The following CDYL2 variants were observed in gnomAD, a reference collection of about 807,000 sequenced individuals.
The protein encoded by CDYL2 is chromodomain Y-like protein 2.
A neutral mutation model predicts 49.4 loss-of-function variants in CDYL2; 23 were observed. The observed-to-expected ratio is 0.47, with a 90% CI of 0.34 to 0.66. The LOEUF (loss-of-function observed/expected upper bound fraction) is 0.66. Ranked by LOEUF, CDYL2 falls within the 30% of genes least tolerant of loss-of-function variation. CDYL2 has a pLI of 0.01. For synonymous variants in CDYL2, 360 were observed against 268.8 expected, an observed-to-expected ratio of 1.34 and a Z score of -3.32; for missense variants, 678 against 656.4, an observed-to-expected ratio of 1.03 and a Z score of -0.36.
intron 1 of CDYL2, among the ~76,000 whole-genome samples, chr16:80,700,176 G>C (rs920984675): frequency 2.0e-5 from 3 of 152,150 alleles, no homozygotes; most frequent in Admixed American, 2.0e-4. Context: ...TTTTTAAAAA[G>C]AGCAAAGTTG....
chr16:80,712,191 G>GTGTGTATATATATATATATATATATA (rs1555532109), intron 1 of CDYL2, among the ~76,000 whole-genome samples: 1 of 107,934 alleles, frequency 9.3e-6, no homozygotes. Context: ...GTCTGTGTGT[G>GTGTGTATATATATATATATATATATA]TATATATATA....
chr16:80,731,388 A>T (rs1905321216), intron 1 of CDYL2, among the ~76,000 whole-genome samples: 1 of 152,136 alleles, frequency 6.6e-6, no homozygotes, highest in Non-Finnish European at 1.5e-5. Context: ...CTGAATAACA[A>T]AAGTTCAAAA....
In CDYL2 at chr16:80,700,151, G is replaced by A. The variant is rs185921815; in HGVS notation, c.25-15022C>T. On this transcript the variant is annotated intron_variant, in intron 1 of 6. Coordinates refer to ENST00000570137, the MANE Select transcript of CDYL2 (RefSeq NM_152342.4). The stretch of plus-strand genomic sequence containing the variant: ...TGGGATTACAGGCGTGAGCCACTGC[G>A]GCCAGCCAAAACAATTTTTAAAAAG... Among the ~76,000 whole-genome samples the A allele has an allele frequency of 5.4e-3, 819 of 152,282 alleles. 10 individuals carry two copies. Among genetic ancestry groups the A allele is most frequent in the South Asian group, 0.025 (122 of 4,830 alleles).
chr16:80,661,006 C>T (rs572378325), intron 2 of CDYL2, among the ~76,000 whole-genome samples: 82 of 152,212 alleles, frequency 5.4e-4, no homozygotes, highest in African/African-American at 2.0e-3. Flanking sequence ...TGGGGTGAGG[C>T]CACAGAGCCT....
chr16:80,682,248 G>A (rs1161989294), intron 2 of CDYL2, among the ~76,000 whole-genome samples: 1 of 152,176 alleles, frequency 6.6e-6, no homozygotes, highest in Non-Finnish European at 1.5e-5. Context: ...GGCCAGCATT[G>A]GCTCAAGTGG....
intron 6 of CDYL2, among the ~76,000 whole-genome samples, chr16:80,605,387 ATATG>A (rs1906285241): frequency 6.7e-6 from 1 of 148,264 alleles, no homozygotes; most frequent in Admixed American, 6.8e-5. Context: ...ATAATTATGT[ATATG>A]TATTATATAT....
At chr16:80,675,719 C>T (rs1410054581) in intron 2 of CDYL2, among the ~76,000 whole-genome samples, 2 of 151,454 alleles carry the variant, frequency 1.3e-5, no homozygotes, top group Non-Finnish European at 3.0e-5. Flanking sequence ...TTGGAACCCT[C>T]AATAAGGAGA....
chr16:80,726,472 C>T (rs2142532879), intron 1 of CDYL2, among the ~76,000 whole-genome samples: 1 of 152,206 alleles, frequency 6.6e-6, no homozygotes, highest in South Asian at 2.1e-4. Flanking sequence ...CTATTTAGAG[C>T]AAGTTTTAAA....
intron 1 of CDYL2, among the ~76,000 whole-genome samples, chr16:80,790,774 C>T (rs1034389664): frequency 1.3e-5 from 2 of 152,172 alleles, no homozygotes; most frequent in Admixed American, 1.3e-4. Context: ...CTCAGCTCCA[C>T]TCTTGATCAC....
rs1378626823 is a variant in CDYL2, at chr16:80,600,881, T to C, written c.*3507A>G. ...ATTTTTAAATGTGGATATTCAGAGA[T>C]ACAGTTGCATTGTTCAAAGTCTACT... On this transcript the variant is annotated 3_prime_UTR_variant, in exon 7 of 7. Coordinates refer to ENST00000570137, the MANE Select transcript of CDYL2 (RefSeq NM_152342.4). 2 of 152,238 alleles carry C rather than the reference T, an allele frequency of 1.3e-5. No individual in the cohort carries two copies. The highest frequency in any genetic ancestry group is 6.5e-5 in the Admixed American group (1 of 15,290). The allele number at this position is 152,238 out of a possible 1,614,324, so 9.4% of individuals were successfully genotyped here.
intron 2 of CDYL2, among the ~76,000 whole-genome samples, chr16:80,666,192 G>A (rs552403691): frequency 6.6e-6 from 1 of 152,302 alleles, no homozygotes; most frequent in Non-Finnish European, 1.5e-5. Context: ...GGCAATGTTT[G>A]TATTTGAACA....
chr16:80,742,733 G>C (rs1028444726), intron 1 of CDYL2, among the ~76,000 whole-genome samples: 11 of 151,728 alleles, frequency 7.2e-5, no homozygotes, highest in Non-Finnish European at 1.3e-4. Context: ...TGACAGGGTA[G>C]GTGGGTGAGT....
At chr16:80,631,456 T>G (rs1159858859) in intron 3 of CDYL2, among the ~76,000 whole-genome samples, 3 of 152,242 alleles carry the variant, frequency 2.0e-5, no homozygotes, top group Non-Finnish European at 4.4e-5. Context: ...GTTGTCAATC[T>G]CACTGCATTA....
At chr16:80,639,076 G>C (rs187917169) in intron 2 of CDYL2, among the ~76,000 whole-genome samples, 237 of 152,310 alleles carry the variant, frequency 1.6e-3, no homozygotes, top group African/African-American at 5.1e-3. Context: ...AAGTTATACA[G>C]ATGACAAGCA....
rs941969278 is a variant in CDYL2 at position 80,799,402 on chromosome 16, T to C, written c.24+4748A>G. 2.6e-5 allele frequency among the ~76,000 whole-genome samples: 4 copies of C among 152,194 alleles called. No homozygotes were observed. In the South Asian group the frequency reaches 8.3e-4, roughly 32 times the overall value. Reference sequence around the variant, plus strand: ...TTGTTTTCTTAACTATATCTCCCACTGGGCTCCTGGAGGACGTGATCATCA... The same window carrying C: ...TTGTTTTCTTAACTATATCTCCCACCGGGCTCCTGGAGGACGTGATCATCA... On this transcript the variant is annotated intron_variant, in intron 1 of 6. Transcript: ENST00000570137.
chr16:80,723,695 C>T (rs1183510623), intron 1 of CDYL2, among the ~76,000 whole-genome samples: 3 of 152,214 alleles, frequency 2.0e-5, no homozygotes, highest in African/African-American at 7.2e-5. Flanking sequence ...CACAGCTGTG[C>T]CATTCGTTTA....
At chr16:80,797,025 C>T (rs1907787049) in intron 1 of CDYL2, among the ~76,000 whole-genome samples, 2 of 152,284 alleles carry the variant, frequency 1.3e-5, no homozygotes, top group South Asian at 4.1e-4. Flanking sequence ...TCTCTTGCTA[C>T]CCCTTGTACA....
At chr16:80,732,613 T>C (rs911314288) in intron 1 of CDYL2, among the ~76,000 whole-genome samples, 7 of 152,226 alleles carry the variant, frequency 4.6e-5, no homozygotes, top group African/African-American at 1.4e-4. Context: ...TTGAATTTTG[T>C]ACCATGAGCA....
intron 4 of CDYL2, among the ~76,000 whole-genome samples, chr16:80,616,737 G>A (rs1026680702): frequency 6.6e-6 from 1 of 152,194 alleles, no homozygotes; most frequent in African/African-American, 2.4e-5. Context: ...ATGGCTGGAA[G>A]TACCAGCAGT....
Sources: allele counts gnomAD v4.1 joint callset (sites outside exome capture counted in the v4.1 genomes callset), GRCh38; gene constraint gnomAD v4.1.1; transcripts MANE v1.5; gene names NCBI Gene and HGNC (gene_info 2026-07-23, HGNC 2026-07-21).